The following RANBP2 variants were observed in gnomAD, a reference collection of about 807,000 sequenced individuals.
The protein encoded by RANBP2 is RAN binding protein 2, also known as E3 SUMO-protein ligase RanBP2.
In RANBP2, 57 loss-of-function variants were observed where a neutral mutation model predicts 303.6. The observed-to-expected ratio is 0.19, with a 90% CI of 0.15 to 0.23. The LOEUF (loss-of-function observed/expected upper bound fraction) is 0.23. Ranked by LOEUF, RANBP2 falls within the 10% of genes least tolerant of loss-of-function variation. RANBP2 has a pLI of 1.00. For synonymous variants in RANBP2, 1,167 were observed against 1,301.5 expected, an observed-to-expected ratio of 0.90 and a Z score of 2.23; for missense variants, 3,138 against 3,780.8, an observed-to-expected ratio of 0.83 and a Z score of 4.46.
At chr2:109,161,797 G>A in the RANBP2 span, among the ~76,000 whole-genome samples, 1 of 151,888 alleles carries the variant, frequency 6.6e-6, no homozygotes, top group Non-Finnish European at 1.5e-5. Flanking sequence ...CCCAGGGAGG[G>A]CATTAATCTA....
chr2:109,186,525 A>G, the RANBP2 span, among the ~76,000 whole-genome samples: 3 of 152,234 alleles, frequency 2.0e-5, no homozygotes, highest in African/African-American at 7.2e-5. Context: ...CCAGACCTTG[A>G]TTTAGAAAGT....
chr2:109,537,995 A>T, the RANBP2 span, among the ~76,000 whole-genome samples: 1 of 151,986 alleles, frequency 6.6e-6, no homozygotes, highest in African/African-American at 2.4e-5. Flanking sequence ...ACACACACAA[A>T]TTTATCTTAT....
At chr2:109,640,330 T>G in the RANBP2 span, among the ~76,000 whole-genome samples, 1 of 152,158 alleles carries the variant, frequency 6.6e-6, no homozygotes, top group Non-Finnish European at 1.5e-5. Flanking sequence ...TGCATGCCTG[T>G]AATCCCAGCT....
At chr2:109,078,707 G>A in the RANBP2 span, among the ~76,000 whole-genome samples, 5 of 150,070 alleles carry the variant, frequency 3.3e-5, no homozygotes, top group South Asian at 4.3e-4. Flanking sequence ...TGTGGGCCGG[G>A]CGCGTTGGTG....
the RANBP2 span, among the ~76,000 whole-genome samples, chr2:109,157,020 A>G: frequency 6.6e-6 from 1 of 152,210 alleles, no homozygotes; most frequent in Non-Finnish European, 1.5e-5. Context: ...ACTCCAGGTC[A>G]TTTTTCCATC....
At chr2:109,575,637 C>A in the RANBP2 span, among the ~76,000 whole-genome samples, 3 of 152,190 alleles carry the variant, frequency 2.0e-5, no homozygotes, top group African/African-American at 7.2e-5. Flanking sequence ...AAACCACTGC[C>A]TTTGCAATTC....
At chr2:109,264,940 G>A in the RANBP2 span, among the ~76,000 whole-genome samples, 1 of 152,168 alleles carries the variant, frequency 6.6e-6, no homozygotes, top group Admixed American at 6.5e-5. Context: ...AAGAAATGTA[G>A]GATTTTGTGG....
chr2:109,402,231 G>T, the RANBP2 span, among the ~76,000 whole-genome samples: 3 of 152,228 alleles, frequency 2.0e-5, no homozygotes, highest in Non-Finnish European at 2.9e-5. Context: ...ATGTGCGTCT[G>T]ACCAGGAAGT....
the RANBP2 span, among the ~76,000 whole-genome samples, chr2:109,716,297 G>A: frequency 2.0e-5 from 3 of 151,896 alleles, no homozygotes; most frequent in African/African-American, 7.3e-5. Flanking sequence ...TGTTGCCCAG[G>A]CTAGAGTGCA....
At chr2:109,261,923 T>C in the RANBP2 span, among the ~76,000 whole-genome samples, 2 of 152,116 alleles carry the variant, frequency 1.3e-5, no homozygotes, top group African/African-American at 4.8e-5. Flanking sequence ...CAGTGTGGTG[T>C]GTATTAAGAT....
the RANBP2 span, among the ~76,000 whole-genome samples, chr2:109,254,842 G>A: frequency 6.6e-6 from 1 of 152,192 alleles, no homozygotes; most frequent in Non-Finnish European, 1.5e-5. Flanking sequence ...CGCCAGGGCA[G>A]TATCTGCTCT....
At chr2:109,751,461 A>T in the RANBP2 span, among the ~76,000 whole-genome samples, 12 of 149,456 alleles carry the variant, frequency 8.0e-5, no homozygotes, top group Middle Eastern at 6.8e-3. Context: ...ATTAGGGAAA[A>T]GACATCCCAA....
chr2:108,815,464 T>TG, the RANBP2 span, among the ~76,000 whole-genome samples: 389 of 133,494 alleles, frequency 2.9e-3, 1 homozygote, highest in African/African-American at 0.01. Context: ...TTTTGGTGTT[T>TG]TTTTTTTTTT....
At chr2:109,463,581 A>C in the RANBP2 span, among the ~76,000 whole-genome samples, 1 of 152,228 alleles carries the variant, frequency 6.6e-6, no homozygotes, top group South Asian at 2.1e-4. Flanking sequence ...GTTACTTCCA[A>C]TTTCTGATTA....
chr2:109,630,949 C>T, the RANBP2 span, among the ~76,000 whole-genome samples: 1 of 152,086 alleles, frequency 6.6e-6, no homozygotes, highest in Non-Finnish European at 1.5e-5. Context: ...ACCTCTAATC[C>T]CAGCTACTCG....
chr2:109,343,515 C>T, the RANBP2 span, among the ~76,000 whole-genome samples: 1 of 152,208 alleles, frequency 6.6e-6, no homozygotes, highest in South Asian at 2.1e-4. Context: ...TCTCTGTCCC[C>T]TACCCTTCCC....
chr2:109,711,664 G>A, the RANBP2 span, among the ~76,000 whole-genome samples: 1 of 152,150 alleles, frequency 6.6e-6, no homozygotes. Context: ...AACAAGCTGT[G>A]CACCAGCCTG....
intron 17 of RANBP2, among the ~76,000 whole-genome samples, chr2:108,755,973 C>T (rs1247610317): frequency 1.3e-5 from 2 of 151,842 alleles, no homozygotes; most frequent in South Asian, 2.1e-4. Flanking sequence ...ATCTGCCCGC[C>T]TTGGCCTCCC....
At chr2:109,182,817 TAGAATGCTCA>T in the RANBP2 span, among the ~76,000 whole-genome samples, 41 of 152,360 alleles carry the variant, frequency 2.7e-4, no homozygotes, top group African/African-American at 4.8e-4. Flanking sequence ...TTCTAGGAAA[TAGAATGCTCA>T]ACTGCCTGTT....
Sources: allele counts gnomAD v4.1 joint callset (sites outside exome capture counted in the v4.1 genomes callset), GRCh38; gene constraint gnomAD v4.1.1; transcripts MANE v1.5; gene names NCBI Gene and HGNC (gene_info 2026-07-23, HGNC 2026-07-21).